Variants in FBXL7 observed in about 807,000 individuals in gnomAD.
The protein encoded by FBXL7 is F-box/LRR-repeat protein 7.
FBXL7 carries 12 observed loss-of-function variants against 38.3 expected under a neutral mutation model. The observed-to-expected ratio is 0.31, with a 90% confidence interval of 0.20 to 0.51. The LOEUF is 0.51. Ranked by LOEUF, FBXL7 falls within the 20% of genes least tolerant of loss-of-function variation. FBXL7 has a pLI of 0.98. For synonymous variants in FBXL7, 297 were observed against 300.9 expected, an observed-to-expected ratio of 0.99 and a Z score of 0.13; for missense variants, 567 against 676.4, an observed-to-expected ratio of 0.84 and a Z score of 1.79.
intron 1 of FBXL7, among the ~76,000 whole-genome samples, chr5:15,603,494 T>C (rs1232471028): frequency 1.3e-5 from 2 of 152,236 alleles, no homozygotes; most frequent in Non-Finnish European, 2.9e-5. Context: ...ATCCAGTTAG[T>C]AAAGCCAGAA....
intron 2 of FBXL7, among the ~76,000 whole-genome samples, chr5:15,685,110 T>C (rs1697170336): frequency 6.6e-6 from 1 of 152,212 alleles, no homozygotes; most frequent in Admixed American, 6.5e-5. Context: ...TCCATCTACC[T>C]GATAGACAGA....
intron 2 of FBXL7, among the ~76,000 whole-genome samples, chr5:15,899,088 C>T (rs903254470): frequency 2.6e-5 from 4 of 151,850 alleles, no homozygotes; most frequent in African/African-American, 7.3e-5. Context: ...TTTTTTGAGA[C>T]GGAGTTTTGC....
chr5:15,577,351 C>T (rs1739000073), intron 1 of FBXL7, among the ~76,000 whole-genome samples: 1 of 152,042 alleles, frequency 6.6e-6, no homozygotes, highest in Admixed American at 6.6e-5. Flanking sequence ...ATTTTCTTCC[C>T]CATGTGAGTG....
intron 2 of FBXL7, among the ~76,000 whole-genome samples, chr5:15,925,806 C>A (rs1416534840): frequency 6.6e-6 from 1 of 152,128 alleles, no homozygotes; most frequent in African/African-American, 2.4e-5. Context: ...CAGATAGTTC[C>A]TGATTTTACT....
chr5:15,911,459 C>G (rs1741425936), intron 2 of FBXL7, among the ~76,000 whole-genome samples: 1 of 140,136 alleles, frequency 7.1e-6, no homozygotes, highest in African/African-American at 3.3e-5. Context: ...ACTTCTTTGC[C>G]TTTGGTTTGA....
At chr5:15,610,166 C>G (rs180877657) in intron 1 of FBXL7, among the ~76,000 whole-genome samples, 1 of 152,206 alleles carries the variant, frequency 6.6e-6, no homozygotes, top group East Asian at 1.9e-4. Context: ...TCCCAGAACA[C>G]GCGGGAATTT....
At chr5:15,880,612 T>A (rs1740404838) in intron 2 of FBXL7, among the ~76,000 whole-genome samples, 1 of 151,634 alleles carries the variant, frequency 6.6e-6, no homozygotes, top group African/African-American at 2.4e-5. Context: ...GTTTTGATTA[T>A]AATTTGCAAA....
intron 2 of FBXL7, among the ~76,000 whole-genome samples, chr5:15,668,402 G>A (rs1269997902): frequency 8.1e-6 from 1 of 123,958 alleles, no homozygotes; most frequent in African/African-American, 3.2e-5. Context: ...GTGTGTGTGT[G>A]TGTGTGTTTT....
chr5:15,714,330 C>T (rs1743970253), intron 2 of FBXL7, among the ~76,000 whole-genome samples: 1 of 152,148 alleles, frequency 6.6e-6, no homozygotes, highest in South Asian at 2.1e-4. Context: ...GCCTGCTTCC[C>T]CTTTGCCTTC....
intron 2 of FBXL7, among the ~76,000 whole-genome samples, chr5:15,814,043 G>A (rs903818686): frequency 9.9e-5 from 15 of 152,276 alleles, no homozygotes; most frequent in Admixed American, 1.3e-4. Flanking sequence ...TCTAGAACCA[G>A]AAATACCATT....
chr5:15,744,280 T>C (rs1003082745), intron 2 of FBXL7, among the ~76,000 whole-genome samples: 4 of 152,178 alleles, frequency 2.6e-5, no homozygotes, highest in Admixed American at 6.5e-5. Flanking sequence ...ACTTAGAAAT[T>C]TCTTCTGCCA....
chr5:15,521,813 G>A (rs1404674658), intron 1 of FBXL7, among the ~76,000 whole-genome samples: 1 of 152,100 alleles, frequency 6.6e-6, no homozygotes, highest in Admixed American at 6.5e-5. Flanking sequence ...AGCCTAAGGG[G>A]GATGATGGAG....
At chr5:15,594,201 C>T (rs1470094494) in intron 1 of FBXL7, among the ~76,000 whole-genome samples, 1 of 152,138 alleles carries the variant, frequency 6.6e-6, no homozygotes, top group Non-Finnish European at 1.5e-5. Context: ...GAAATATTGT[C>T]CTTTTGAATG....
rs555856021 is a variant in FBXL7 at position 15,542,403 on chromosome 5, T to G, written c.37+41690T>G. ...ATGGAGGTACAGAATGCATAGAAGA[T>G]TTATTTTTTTGCCAACATCCATCAG... On this transcript the variant is annotated intron_variant, in intron 1 of 3. Transcript: ENST00000504595. Among the ~76,000 whole-genome samples, 323 of 152,306 alleles carry G rather than the reference T, an allele frequency of 2.1e-3. 1 individual carries two copies. The highest frequency in any genetic ancestry group is 7.5e-3 in the African/African-American group (311 of 41,590).
intron 1 of FBXL7, among the ~76,000 whole-genome samples, chr5:15,515,163 C>T (rs1007377497): frequency 2.0e-5 from 3 of 152,208 alleles, no homozygotes; most frequent in Non-Finnish European, 2.9e-5. Context: ...GGCAAGTCAT[C>T]ATCTTCCTGG....
At chr5:15,913,427 G>A (rs986288198) in intron 2 of FBXL7, among the ~76,000 whole-genome samples, 2 of 152,108 alleles carry the variant, frequency 1.3e-5, no homozygotes, top group Non-Finnish European at 2.9e-5. Flanking sequence ...CTATGAAAGT[G>A]TTCTAATTAC....
At chr5:15,526,111 C>T (rs1282549960) in intron 1 of FBXL7, among the ~76,000 whole-genome samples, 1 of 152,088 alleles carries the variant, frequency 6.6e-6, no homozygotes, top group African/African-American at 2.4e-5. Context: ...AGAGGGACTT[C>T]TGCGAGGGGA....
At chr5:15,822,394 A>G (rs1738194790) in intron 2 of FBXL7, among the ~76,000 whole-genome samples, 2 of 151,990 alleles carry the variant, frequency 1.3e-5, no homozygotes, top group South Asian at 4.2e-4. Flanking sequence ...GAAACATGCA[A>G]AAGTGGAGTG....
intron 2 of FBXL7, among the ~76,000 whole-genome samples, chr5:15,666,664 T>A (rs1561076860): frequency 6.6e-6 from 1 of 152,208 alleles, no homozygotes; most frequent in Non-Finnish European, 1.5e-5. Context: ...AGGTAAACGT[T>A]CTATTGGTAC....
Sources: gnomAD v4.1 joint callset for allele counts (sites outside exome capture counted in the v4.1 genomes callset) on GRCh38, gnomAD v4.1.1 for gene constraint, MANE v1.5 for transcripts, NCBI Gene and HGNC (gene_info 2026-07-23, HGNC 2026-07-21) for gene names.